The following RGSL1 variants were observed in gnomAD, a reference collection of about 807,000 sequenced individuals.
RGSL1 encodes the protein regulator of G protein signaling protein-like.
RGSL1 carries 97 observed loss-of-function variants against 124.7 expected under a neutral mutation model. The ratio of observed to expected loss-of-function variants is 0.78; its 90% CI spans 0.66 to 0.92. The LOEUF (loss-of-function observed/expected upper bound fraction) is 0.92, where lower values mean the gene tolerates loss of function less well. Among genes scored for constraint, RGSL1 ranks in the 40% least tolerant of loss-of-function variants. The probability of loss-of-function intolerance (pLI) is 0.00; values close to 1 mark genes in which losing one functional copy is unlikely to be tolerated. For missense variants in RGSL1, 1,233 were observed against 1,288.4 expected (o/e 0.96, Z 0.66); for synonymous variants, 424 against 438.1 (o/e 0.97, Z 0.40).
At chr1:182,483,992 T>C (rs1654903647) in intron 6 of RGSL1, among the ~76,000 whole-genome samples, 1 of 152,082 alleles carries the variant, frequency 6.6e-6, no homozygotes, top group Non-Finnish European at 1.5e-5. Context: ...CTCAGGTCCC[T>C]AGGGATGAGG....
chr1:182,524,259 AT>A (rs1262049607), intron 10 of RGSL1, among the ~76,000 whole-genome samples: 1 of 141,252 alleles, frequency 7.1e-6, no homozygotes, highest in Non-Finnish European at 1.5e-5. Flanking sequence ...TACTATATGG[AT>A]TTTTAAAATA....
rs755073308 is a variant in RGSL1 at position 182,473,665 on chromosome 1, A to G, written c.554A>G (p.Lys185Arg). Reference sequence around the variant, plus strand: ...CACATGCAGAAAGTGGCTCTGTTCAAACTCCAGAGCTATTGGCTTCCCAAC... The same window carrying G: ...CACATGCAGAAAGTGGCTCTGTTCAGACTCCAGAGCTATTGGCTTCCCAAC... Reference protein sequence around the residue: ...LSHMQKVALFKLQSYWLPNFY... With the variant: ...LSHMQKVALFRLQSYWLPNFY... The change falls in exon 6 of 22, where the codon AAA becomes AGA. Residue 185 changes from lysine to arginine, a missense_variant. Lys to Arg is a conservative substitution (Grantham distance 26). Coordinates refer to ENST00000294854, the MANE Select transcript of RGSL1 (RefSeq NM_001137669.2). The G allele has an allele frequency of 1.3e-6, 2 of 1,551,780 alleles. No homozygotes were observed. Among genetic ancestry groups the G allele is most frequent in the South Asian group, 2.4e-5 (2 of 84,058 alleles).
chr1:182,532,557 T>A, intron 13 of RGSL1, 105 bp from the exon 14 acceptor site: 1 of 1,038,340 alleles, frequency 9.6e-7, no homozygotes, highest in Non-Finnish European at 1.4e-6. Context: ...TACGGAGGTG[T>A]TGTGAGGATT....
intron 17 of RGSL1, chr1:182,550,541 A>T (rs1439523266): frequency 1.3e-5 from 2 of 152,228 alleles, no homozygotes; most frequent in Non-Finnish European, 2.9e-5. Context: ...GAAGGAAGAG[A>T]TGATGGGGAA....
At position 182,460,272 on chromosome 1, in the gene RGSL1, T is replaced by C. The variant is rs142965032; in HGVS notation, c.301+139T>C. The C allele has an allele frequency of 6.0e-4, 738 of 1,225,184 alleles. 2 individuals are homozygous for C. In the Middle Eastern group the frequency reaches 8.9e-3, roughly 15 times the overall value. The allele number at this position is 1,225,184 out of a possible 1,614,324, so 75.9% of individuals were successfully genotyped here. On this transcript the variant is annotated intron_variant, in intron 4 of 21. Transcript: ENST00000294854. ...TAGAAATATAGGAAGTCACACTTCA[T>C]AATGATCTTATGCCTGTCAGTACTA... is the stretch of plus-strand genomic sequence containing the variant.
At position 182,483,613 on chromosome 1, in the gene RGSL1, C is replaced by T. The variant is rs373874251; in HGVS notation, c.1432-4672C>T. Among the ~76,000 whole-genome samples the T allele has an allele frequency of 1.3e-4, 20 of 152,010 alleles. No individual in the cohort carries two copies. In the South Asian group the frequency reaches 4.1e-3, roughly 32 times the overall value. Reference sequence around the variant, plus strand: ...AATGTGTATATGTAATATTTATAGACATATATTTCTATTATTTTGCTTATT... The same window carrying T: ...AATGTGTATATGTAATATTTATAGATATATATTTCTATTATTTTGCTTATT... On this transcript the variant is annotated intron_variant, in intron 6 of 21. Coordinates refer to ENST00000294854, the MANE Select transcript of RGSL1 (RefSeq NM_001137669.2).
chr1:182,540,105 G>C, intron 14 of RGSL1, 142 bp from the exon 15 acceptor site: 1 of 738,692 alleles, frequency 1.4e-6, no homozygotes, highest in East Asian at 3.0e-5. Context: ...GTAAAAGGTT[G>C]AGCCCAATGG....
At chr1:182,530,405 C>G in intron 12 of RGSL1, 44 bp downstream of exon 12, 1 of 1,468,852 alleles carries the variant, frequency 6.8e-7, no homozygotes, top group Non-Finnish European at 9.3e-7. Context: ...TGGAGTTGCT[C>G]CTTGGCTTCT....
intron 7 of RGSL1, 131 bp downstream of exon 7, chr1:182,488,478 C>T (rs1386263262): frequency 1.1e-6 from 1 of 886,046 alleles, no homozygotes. Flanking sequence ...CAAAGATCAG[C>T]ATGGTCCCTG....
In RGSL1 at chr1:182,471,912, G is replaced by T. The variant is rs79062244; in HGVS notation, c.302-484G>T. 1.2e-3 allele frequency among the ~76,000 whole-genome samples: 179 copies of T among 152,286 alleles called. 3 individuals are homozygous for T. The highest frequency in any genetic ancestry group is 9.8e-3 in the East Asian group (51 of 5,182). On this transcript the variant is annotated intron_variant, in intron 4 of 21. Transcript: ENST00000294854. ...GAAATCCTGGATCTCCAAGGAGCAG[G>T]TAGGGAAGAACTAGATGGACTACAT... is the stretch of plus-strand genomic sequence containing the variant.
chr1:182,500,480 G>T (rs975623764), intron 9 of RGSL1, among the ~76,000 whole-genome samples: 6 of 151,388 alleles, frequency 4.0e-5, no homozygotes, highest in African/African-American at 1.2e-4. Context: ...GGTCGTTTTT[G>T]CTATTTGGGA....
intron 9 of RGSL1, among the ~76,000 whole-genome samples, chr1:182,496,041 T>C (rs984116428): frequency 6.6e-6 from 1 of 152,222 alleles, no homozygotes; most frequent in East Asian, 1.9e-4. Context: ...AGATATTTAA[T>C]TTGGCTCATG....
At chr1:182,455,380 G>A (rs1652222088) in intron 2 of RGSL1, among the ~76,000 whole-genome samples, 2 of 152,142 alleles carry the variant, frequency 1.3e-5, no homozygotes, top group African/African-American at 4.8e-5. Context: ...TTGGGAGTTT[G>A]AGACCAGCCT....
chr1:182,526,226 A>G (rs1658731423), intron 10 of RGSL1, among the ~76,000 whole-genome samples: 1 of 152,200 alleles, frequency 6.6e-6, no homozygotes, highest in Non-Finnish European at 1.5e-5. Context: ...ACACTTGCCA[A>G]CTTATTCTAT....
chr1:182,533,011 C>T (rs1367146825), intron 14 of RGSL1, among the ~76,000 whole-genome samples: 1 of 152,046 alleles, frequency 6.6e-6, no homozygotes, highest in Non-Finnish European at 1.5e-5. Context: ...GAATAAGTAA[C>T]CTAAGGTACT....
chr1:182,511,225 G>T (rs1328576647), intron 9 of RGSL1, among the ~76,000 whole-genome samples: 3 of 152,134 alleles, frequency 2.0e-5, no homozygotes, highest in Non-Finnish European at 2.9e-5. Flanking sequence ...GAGTGCAATG[G>T]CATGATCTCG....
intron 6 of RGSL1, among the ~76,000 whole-genome samples, chr1:182,482,078 G>C (rs2102066918): frequency 6.6e-6 from 1 of 152,310 alleles, no homozygotes; most frequent in Non-Finnish European, 1.5e-5. Flanking sequence ...AGGATGGCTT[G>C]ACCTATGCAA....
intron 9 of RGSL1, among the ~76,000 whole-genome samples, chr1:182,498,040 C>A (rs2102134034): frequency 6.6e-6 from 1 of 152,212 alleles, no homozygotes; most frequent in South Asian, 2.1e-4. Flanking sequence ...AATGTGGTAC[C>A]TGCCAGGATT....
At chr1:182,448,016 T>C (rs1432644387), upstream of RGSL1, 2 of 151,446 alleles carry the variant, frequency 1.3e-5, no homozygotes, top group East Asian at 1.9e-4. Flanking sequence ...AATCTTGTAA[T>C]ATTTTGCAAG....
Sources: gnomAD v4.1 joint callset for allele counts (sites outside exome capture counted in the v4.1 genomes callset) on GRCh38, gnomAD v4.1.1 for gene constraint, MANE v1.5 for transcripts, NCBI Gene and HGNC (gene_info 2026-07-23, HGNC 2026-07-21) for gene names.